Variants in LRRC49 observed in about 807,000 individuals in gnomAD.
LRRC49 encodes the protein leucine rich repeat containing 49.
A neutral mutation model predicts 83.3 loss-of-function variants in LRRC49; 50 were observed. The ratio of observed to expected loss-of-function variants is 0.60; its 90% CI spans 0.48 to 0.76. The LOEUF is 0.76. Ranked by LOEUF, LRRC49 falls within the 30% of genes least tolerant of loss-of-function variation. LRRC49 has a pLI of 0.00. For synonymous variants in LRRC49, 286 were observed against 283.3 expected (o/e 1.01, Z -0.10); for missense variants, 704 against 809.1 (o/e 0.87, Z 1.58).
chr15:70,864,375 A>G (rs1187787616), intron 1 of LRRC49, among the ~76,000 whole-genome samples: 1 of 151,606 alleles, frequency 6.6e-6, no homozygotes, highest in Admixed American at 6.6e-5. Context: ...AGGCATGGGC[A>G]CCAGGATGGA....
intron 14 of LRRC49, among the ~76,000 whole-genome samples, chr15:71,026,613 T>G (rs1424685600): frequency 6.6e-6 from 1 of 152,216 alleles, no homozygotes; most frequent in Non-Finnish European, 1.5e-5. Context: ...ATCTGTTGTT[T>G]GTTGACTTTT....
chr15:70,874,742 TAA>T, intron 2 of LRRC49, among the ~76,000 whole-genome samples: 1 of 152,338 alleles, frequency 6.6e-6, no homozygotes, highest in East Asian at 1.9e-4. Context: ...GTGAAAGGAA[TAA>T]GTCTACATGA....
At chr15:71,029,867 G>A (rs1426814253) in intron 14 of LRRC49, among the ~76,000 whole-genome samples, 1 of 152,030 alleles carries the variant, frequency 6.6e-6, no homozygotes, top group Non-Finnish European at 1.5e-5. Context: ...CTTTCCATTT[G>A]CTTGGTAAAT....
At position 70,859,432 on chromosome 15, in the gene LRRC49, G is replaced by A. The variant is rs528301546; in HGVS notation, c.-299+5963G>A. 181 of 734,914 alleles carry A rather than the reference G, an allele frequency of 2.5e-4. 2 individuals are homozygous for A. In the African/African-American group the frequency reaches 2.8e-3, roughly 11 times the overall value. The allele number at this position is 734,914 out of a possible 1,614,324, so 45.5% of individuals were successfully genotyped here. On this transcript the variant is annotated intron_variant, in intron 1 of 16. Coordinates refer to the LRRC49 transcript ENST00000544974. Reference sequence around the variant, plus strand: ...TCTGGGAGCTGCAGTCCCACATCTCGGACATATCTGTGGTGCTGTCCATGG... The same window carrying A: ...TCTGGGAGCTGCAGTCCCACATCTCAGACATATCTGTGGTGCTGTCCATGG...
intron 5 of LRRC49, among the ~76,000 whole-genome samples, chr15:70,909,877 C>A (rs914051673): frequency 4.7e-5 from 7 of 150,426 alleles, no homozygotes; most frequent in Non-Finnish European, 1.0e-4. Flanking sequence ...CACACACACA[C>A]AAAACAAACA....
intron 15 of LRRC49, 88 bp from the exon 16 acceptor site, chr15:71,049,321 A>T (rs547171526): frequency 1.2e-6 from 1 of 839,004 alleles, no homozygotes; most frequent in South Asian, 1.8e-5. Context: ...AGAATAAATT[A>T]TTTCAATTTT....
chr15:70,856,314 T>G (rs995243312), intron 1 of LRRC49, among the ~76,000 whole-genome samples: 4 of 152,210 alleles, frequency 2.6e-5, no homozygotes, highest in African/African-American at 9.6e-5. Context: ...TTTCTGTTAT[T>G]ACTTATTTCT....
intron 14 of LRRC49, among the ~76,000 whole-genome samples, chr15:71,019,223 T>C (rs1189787913): frequency 6.6e-6 from 1 of 152,152 alleles, no homozygotes; most frequent in Non-Finnish European, 1.5e-5. Context: ...GGGATGGGGC[T>C]GGAGGTCCCA....
At chr15:70,958,755 AAAC>A (rs1256903848) in intron 8 of LRRC49, among the ~76,000 whole-genome samples, 1 of 152,232 alleles carries the variant, frequency 6.6e-6, no homozygotes, top group African/African-American at 2.4e-5. Context: ...AACATGTCTC[AAAC>A]ACTATGAGTT....
intron 8 of LRRC49, among the ~76,000 whole-genome samples, chr15:70,963,275 C>CAAAAA (rs765094754): frequency 2.8e-5 from 2 of 70,442 alleles, no homozygotes; most frequent in South Asian, 5.2e-4. Flanking sequence ...GACCTGGTCT[C>CAAAAA]AAAAAAAAAA....
At chr15:70,892,073 G>C (rs758629561), upstream of LRRC49, 1 of 1,613,904 alleles carries the variant, frequency 6.2e-7, no homozygotes, top group Non-Finnish European at 8.5e-7. Context: ...CTGGATAACC[G>C]AAGAGACGTC....
chr15:71,018,375 G>A (rs1217433020), intron 14 of LRRC49, among the ~76,000 whole-genome samples: 1 of 152,034 alleles, frequency 6.6e-6, no homozygotes, highest in Non-Finnish European at 1.5e-5. Context: ...GGAATATATT[G>A]AACTTCTATT....
upstream of LRRC49, among the ~76,000 whole-genome samples, chr15:70,889,339 T>A (rs780722940): frequency 1.3e-5 from 2 of 151,868 alleles, no homozygotes; most frequent in Non-Finnish European, 2.9e-5. Flanking sequence ...GGCTACAGTA[T>A]GATTTGATTT....
At chr15:70,918,982 G>T in intron 6 of LRRC49, 68 bp from the exon 7 acceptor site, 1 of 1,230,340 alleles carries the variant, frequency 8.1e-7, no homozygotes, top group Non-Finnish European at 1.1e-6. Context: ...TTTATTTTTA[G>T]GGTTTTTAGA....
intron 1 of LRRC49, among the ~76,000 whole-genome samples, chr15:70,864,217 C>T (rs1402908024): frequency 6.6e-6 from 1 of 152,066 alleles, no homozygotes; most frequent in Non-Finnish European, 1.5e-5. Context: ...TAAAAGGGCT[C>T]AAGTGGAAAG....
chr15:70,953,251 T>C (rs971770824), intron 8 of LRRC49, among the ~76,000 whole-genome samples: 2 of 152,210 alleles, frequency 1.3e-5, no homozygotes, highest in Non-Finnish European at 2.9e-5. Flanking sequence ...TAAGTATGTC[T>C]TTATGGTGGC....
At chr15:70,871,666 C>T (rs1300222394) in intron 1 of LRRC49, among the ~76,000 whole-genome samples, 6 of 150,776 alleles carry the variant, frequency 4.0e-5, no homozygotes, top group African/African-American at 1.5e-4. Flanking sequence ...GGAGGGGCTC[C>T]TCACTTCTCA....
chr15:71,050,357 C>A lies in LRRC49; in HGVS notation c.*745C>A, dbSNP rs1436236895. On this transcript the variant is annotated 3_prime_UTR_variant, in exon 16 of 16. Transcript: ENST00000260382. ...AAATCTGCTTCTCTGAAAGATGTTT[C>A]CTTCCATTGTTAGCTCTCAAATGCT... The A allele has an allele frequency of 2.6e-5, 4 of 152,192 alleles. No homozygotes were observed. Among genetic ancestry groups the A allele is most frequent in the Non-Finnish European group, 5.9e-5 (4 of 68,040 alleles). The allele number at this position is 152,192 out of a possible 1,614,324, so 9.4% of individuals were successfully genotyped here.
At chr15:71,017,031 G>A (rs2038849838) in intron 14 of LRRC49, among the ~76,000 whole-genome samples, 1 of 151,656 alleles carries the variant, frequency 6.6e-6, no homozygotes, top group South Asian at 2.1e-4. Flanking sequence ...AATCACTTGA[G>A]CCTGGGAGGC....
Sources: allele counts gnomAD v4.1 joint callset (sites outside exome capture counted in the v4.1 genomes callset), GRCh38; gene constraint gnomAD v4.1.1; transcripts MANE v1.5; gene names NCBI Gene and HGNC (gene_info 2026-07-23, HGNC 2026-07-21).